TANC2: variants seen among roughly 807,000 people sequenced by gnomAD.
TANC2 encodes the protein protein TANC2.
TANC2 carries 26 observed loss-of-function variants against 210.5 expected under a neutral mutation model. The ratio of observed to expected loss-of-function variants is 0.12; its 90% CI spans 0.09 to 0.17. The LOEUF is 0.17. TANC2 is among the 10% of genes least tolerant of loss of function. TANC2 has a pLI of 1.00. For synonymous variants in TANC2, 931 were observed against 967.1 expected (o/e 0.96, Z 0.69); for missense variants, 2,129 against 2,608.9 (o/e 0.82, Z 4.01).
At chr17:63,371,798 C>G (rs2047277449) in intron 14 of TANC2, among the ~76,000 whole-genome samples, 1 of 152,142 alleles carries the variant, frequency 6.6e-6, no homozygotes, top group Non-Finnish European at 1.5e-5. Flanking sequence ...GTGATTCTTG[C>G]TTTAGAAAGG....
intron 11 of TANC2, among the ~76,000 whole-genome samples, chr17:63,337,570 T>C (rs1472563453): frequency 6.6e-6 from 1 of 151,940 alleles, no homozygotes; most frequent in Non-Finnish European, 1.5e-5. Context: ...TTATATTGGA[T>C]AGTAATGGTG....
At chr17:63,168,462 C>G (rs139062273) in intron 5 of TANC2, among the ~76,000 whole-genome samples, 2 of 152,250 alleles carry the variant, frequency 1.3e-5, no homozygotes, top group East Asian at 3.9e-4. Flanking sequence ...TCTCTGGACC[C>G]TTCACAGTGA....
intron 5 of TANC2, among the ~76,000 whole-genome samples, chr17:63,190,700 C>T (rs984980937): frequency 4.6e-5 from 7 of 151,990 alleles, no homozygotes; most frequent in Non-Finnish European, 7.4e-5. Context: ...GTCTTCCAAA[C>T]CATGAACATG....
chr17:63,085,419 G>A (rs2036923360), intron 3 of TANC2, among the ~76,000 whole-genome samples: 1 of 151,914 alleles, frequency 6.6e-6, no homozygotes, highest in Non-Finnish European at 1.5e-5. Context: ...TCTGCCATTT[G>A]TTGTTTTAAT....
intron 4 of TANC2, among the ~76,000 whole-genome samples, chr17:63,139,308 G>A (rs2039203074): frequency 1.3e-5 from 2 of 152,080 alleles, no homozygotes; most frequent in Admixed American, 1.3e-4. Flanking sequence ...ACAGAAAATG[G>A]AGAATTAAGT....
chr17:63,053,914 C>CTAA (rs1228627977), intron 2 of TANC2, among the ~76,000 whole-genome samples: 1 of 152,176 alleles, frequency 6.6e-6, no homozygotes, highest in Non-Finnish European at 1.5e-5. Context: ...CTCCACTAAC[C>CTAA]ACTTAGTCCA....
At chr17:63,046,439 C>A (rs1266567766) in intron 2 of TANC2, among the ~76,000 whole-genome samples, 1 of 143,196 alleles carries the variant, frequency 7.0e-6, no homozygotes, top group African/African-American at 2.6e-5. Flanking sequence ...TCAAGTGATT[C>A]TCCTGCTGCA....
chr17:63,126,518 C>T (rs2038714783), intron 4 of TANC2, among the ~76,000 whole-genome samples: 1 of 152,138 alleles, frequency 6.6e-6, no homozygotes, highest in Admixed American at 6.6e-5. Context: ...AAGCGATTCT[C>T]CTGCCTCAGC....
At chr17:63,306,035 C>T (rs952651309) in intron 9 of TANC2, among the ~76,000 whole-genome samples, 11 of 152,180 alleles carry the variant, frequency 7.2e-5, no homozygotes, top group Admixed American at 2.0e-4. Context: ...CCTTTGGACG[C>T]GCTAGAAGGG....
intron 18 of TANC2, 25 bp downstream of exon 18, chr17:63,395,953 T>G (rs2048143287): frequency 1.1e-5 from 18 of 1,580,468 alleles, no homozygotes; most frequent in South Asian, 2.3e-5. Flanking sequence ...ATAGGATTGT[T>G]TTTTCAAGCT....
At chr17:63,025,840 A>C (rs1257228026) in intron 2 of TANC2, among the ~76,000 whole-genome samples, 1 of 150,112 alleles carries the variant, frequency 6.7e-6, no homozygotes, top group South Asian at 2.1e-4. Context: ...AATAAAATAA[A>C]ATAAAATAAA....
At chr17:63,010,407 A>C (rs936984476) in intron 2 of TANC2, among the ~76,000 whole-genome samples, 2 of 151,994 alleles carry the variant, frequency 1.3e-5, no homozygotes, top group African/African-American at 4.8e-5. Context: ...AACAAAAGGA[A>C]AACTGTTTTT....
At chr17:62,998,396 T>A (rs1377639309) in intron 1 of TANC2, among the ~76,000 whole-genome samples, 2 of 151,964 alleles carry the variant, frequency 1.3e-5, no homozygotes, top group Admixed American at 1.3e-4. Context: ...AGGGCAACAT[T>A]CAAATCAGGA....
At chr17:63,027,987 AACTT>A (rs781453395) in intron 2 of TANC2, among the ~76,000 whole-genome samples, 6 of 151,940 alleles carry the variant, frequency 3.9e-5, no homozygotes, top group Non-Finnish European at 8.8e-5. Flanking sequence ...AAAATAGGTT[AACTT>A]ACTTTTTTCC....
chr17:62,999,510 C>T (rs192991891), intron 1 of TANC2, among the ~76,000 whole-genome samples: 5 of 151,866 alleles, frequency 3.3e-5, no homozygotes, highest in African/African-American at 9.7e-5. Context: ...CTATTTTAAA[C>T]GTATGTGCAC....
At chr17:63,008,102 G>A (rs1726312946) in intron 1 of TANC2, among the ~76,000 whole-genome samples, 1 of 150,670 alleles carries the variant, frequency 6.6e-6, no homozygotes, top group African/African-American at 2.4e-5. Context: ...GTTTTTTGGG[G>A]GTCTGGCTGT....
chr17:63,389,302 T>C lies in TANC2; in HGVS notation c.2815-6T>C, dbSNP rs1229440003. 3 of 1,607,352 alleles carry C rather than the reference T, an allele frequency of 1.9e-6. No individual in the cohort carries two copies. Among genetic ancestry groups the C allele is most frequent in the Non-Finnish European group, 2.6e-6 (3 of 1,174,826 alleles). On this transcript the variant is annotated splice_region_variant and splice_polypyrimidine_tract_variant and intron_variant, in intron 16 of 27. Coordinates refer to ENST00000689528, the Ensembl canonical transcript of TANC2. ...CTAATTATTAGTTCTGTTTGTTTAT[T>C]TCTAGGTCAGCCGACTGCTGATTTT...
intron 7 of TANC2, among the ~76,000 whole-genome samples, chr17:63,216,166 A>G (rs569885299): frequency 6.6e-6 from 1 of 152,264 alleles, no homozygotes; most frequent in African/African-American, 2.4e-5. Flanking sequence ...CTCATGCCTC[A>G]GCCTCTGGAG....
chr17:63,409,246 ACCAAAG>A, intron 21 of TANC2, among the ~76,000 whole-genome samples: 1 of 152,022 alleles, frequency 6.6e-6, no homozygotes, highest in South Asian at 2.1e-4. Flanking sequence ...ATCATAGCTC[ACCAAAG>A]CCTGGAACCC....
Sources: allele counts gnomAD v4.1 joint callset (sites outside exome capture counted in the v4.1 genomes callset), GRCh38; gene constraint gnomAD v4.1.1; transcripts MANE v1.5; gene names NCBI Gene and HGNC (gene_info 2026-07-23, HGNC 2026-07-21).